CNTNAP2: variants seen among roughly 807,000 people sequenced by gnomAD.
CNTNAP2 encodes contactin associated protein 2.
CNTNAP2 carries 98 observed loss-of-function variants against 155.2 expected under a neutral mutation model. The ratio of observed to expected loss-of-function variants is 0.63; its 90% CI spans 0.54 to 0.75. CNTNAP2 has a LOEUF of 0.75. CNTNAP2 is among the 30% of genes least tolerant of loss of function. The pLI is 0.00. For missense variants in CNTNAP2, 1,727 were observed against 1,688.1 expected, an observed-to-expected ratio of 1.02 and a Z score of -0.40; for synonymous variants, 651 against 631.2, an observed-to-expected ratio of 1.03 and a Z score of -0.47.
intron 10 of CNTNAP2, among the ~76,000 whole-genome samples, chr7:147,479,306 A>G (rs1798379925): frequency 6.6e-6 from 1 of 152,246 alleles, no homozygotes; most frequent in South Asian, 2.1e-4. Flanking sequence ...GCATATGTAT[A>G]TAGAACTCAT....
At chr7:147,332,878 C>T (rs1795597348) in intron 9 of CNTNAP2, among the ~76,000 whole-genome samples, 2 of 152,040 alleles carry the variant, frequency 1.3e-5, no homozygotes, top group South Asian at 4.1e-4. Context: ...TAATAATCAT[C>T]ATAATTATCA....
chr7:146,429,327 A>G (rs531824389), intron 1 of CNTNAP2, among the ~76,000 whole-genome samples: 1 of 152,198 alleles, frequency 6.6e-6, no homozygotes, highest in South Asian at 2.1e-4. Context: ...TTTGGGCAGT[A>G]TGGACATTTT....
At chr7:146,639,508 A>C (rs1412719873) in intron 1 of CNTNAP2, among the ~76,000 whole-genome samples, 1 of 147,704 alleles carries the variant, frequency 6.8e-6, no homozygotes, top group African/African-American at 2.6e-5. Context: ...CAGAAGGTTA[A>C]ATAAAACTTG....
At chr7:147,441,881 GTC>G (rs1797647012) in intron 10 of CNTNAP2, among the ~76,000 whole-genome samples, 1 of 69,306 alleles carries the variant, frequency 1.4e-5, no homozygotes, top group South Asian at 6.2e-4. Context: ...CCCTCCCTCC[GTC>G]TCTCTCTGTT....
At chr7:147,794,492 T>A (rs1797862127) in intron 13 of CNTNAP2, among the ~76,000 whole-genome samples, 1 of 151,986 alleles carries the variant, frequency 6.6e-6, no homozygotes. Context: ...TATACATTCA[T>A]TTTATTCATG....
intron 1 of CNTNAP2, among the ~76,000 whole-genome samples, chr7:146,207,065 T>C (rs1798958419): frequency 6.6e-6 from 1 of 151,948 alleles, no homozygotes; most frequent in Non-Finnish European, 1.5e-5. Context: ...AAAACCTAGC[T>C]GTATGATTAC....
At chr7:146,506,908 A>T (rs1179672068) in intron 1 of CNTNAP2, among the ~76,000 whole-genome samples, 2 of 152,138 alleles carry the variant, frequency 1.3e-5, no homozygotes, top group Non-Finnish European at 2.9e-5. Flanking sequence ...CAGGAATGGG[A>T]GGTGCCTCTC....
intron 9 of CNTNAP2, among the ~76,000 whole-genome samples, chr7:147,346,153 ATTT>A (rs1276421589): frequency 9.2e-5 from 4 of 43,644 alleles, no homozygotes; most frequent in African/African-American, 7.7e-4. Context: ...ATTTTATTTT[ATTT>A]TTTTTTTTTG....
intron 13 of CNTNAP2, among the ~76,000 whole-genome samples, chr7:147,738,650 C>CTTTTTTTTTTT (rs111611444): frequency 1.7e-5 from 1 of 57,544 alleles, no homozygotes; most frequent in African/African-American, 6.5e-5. Context: ...GTAAACATAA[C>CTTTTTTTTTTT]TTTTTTTTTT....
intron 1 of CNTNAP2, among the ~76,000 whole-genome samples, chr7:146,580,571 A>C (rs570479547): frequency 2.0e-5 from 3 of 151,930 alleles, no homozygotes; most frequent in African/African-American, 4.8e-5. Context: ...CTGAGCTCAA[A>C]GCCCAAACTA....
chr7:146,828,815 C>T (rs1442906489), intron 2 of CNTNAP2, among the ~76,000 whole-genome samples: 1 of 152,056 alleles, frequency 6.6e-6, no homozygotes, highest in African/African-American at 2.4e-5. Flanking sequence ...AACTTGTATA[C>T]ATGTCTAATG....
intron 3 of CNTNAP2, among the ~76,000 whole-genome samples, chr7:146,841,334 CAG>C (rs759187869): frequency 7.6e-6 from 1 of 131,788 alleles, no homozygotes; most frequent in Non-Finnish European, 1.5e-5. Flanking sequence ...TAAAATTTGG[CAG>C]AGAGAGAGAG....
At chr7:147,060,295 G>C (rs2129261978) in intron 4 of CNTNAP2, among the ~76,000 whole-genome samples, 1 of 152,308 alleles carries the variant, frequency 6.6e-6, no homozygotes, top group African/African-American at 2.4e-5. Flanking sequence ...CAAATAAACT[G>C]TGTTGAACAG....
chr7:147,975,498 A>G (rs1028040960), intron 14 of CNTNAP2, among the ~76,000 whole-genome samples: 1 of 152,118 alleles, frequency 6.6e-6, no homozygotes, highest in Non-Finnish European at 1.5e-5. Flanking sequence ...CCTTGTTTTT[A>G]TAAAATTACC....
chr7:146,975,790 G>C (rs1342078476), intron 3 of CNTNAP2, among the ~76,000 whole-genome samples: 1 of 152,176 alleles, frequency 6.6e-6, no homozygotes, highest in African/African-American at 2.4e-5. Context: ...AGACATTTCA[G>C]ATATTTTAGA....
chr7:147,155,226 T>C (rs985867882), intron 8 of CNTNAP2, among the ~76,000 whole-genome samples: 2 of 152,126 alleles, frequency 1.3e-5, no homozygotes, highest in African/African-American at 2.4e-5. Flanking sequence ...TTGAGCCTTC[T>C]GCCATGTGAG....
intron 16 of CNTNAP2, among the ~76,000 whole-genome samples, chr7:148,136,486 C>T (rs1412998019): frequency 6.6e-6 from 1 of 152,176 alleles, no homozygotes; most frequent in Non-Finnish European, 1.5e-5. Context: ...CTGAGGCCCT[C>T]TCTAGAAGTC....
rs75426774 is a variant in CNTNAP2 at position 148,083,373 on chromosome 7, G to A, written c.2384-34745G>A. On this transcript the variant is annotated intron_variant, in intron 15 of 23. Transcript: ENST00000361727. ...AGTGGGTTTCTTCTGACTCCACTTC[G>A]GTTCCCTTCATAGCATGAACACATT... Among the ~76,000 whole-genome samples, 482 of 152,238 alleles carry A rather than the reference G, an allele frequency of 3.2e-3. 1 individual carries two copies. The highest frequency in any genetic ancestry group is 0.011 in the African/African-American group (459 of 41,546).
chr7:146,618,926 C>T (rs538871273), intron 1 of CNTNAP2, among the ~76,000 whole-genome samples: 86 of 151,792 alleles, frequency 5.7e-4, no homozygotes, highest in Non-Finnish European at 9.4e-4. Flanking sequence ...AAAAATTAGC[C>T]GGGCGTGGTG....
Sources: allele counts gnomAD v4.1 joint callset (sites outside exome capture counted in the v4.1 genomes callset), GRCh38; gene constraint gnomAD v4.1.1; transcripts MANE v1.5; gene names NCBI Gene and HGNC (gene_info 2026-07-23, HGNC 2026-07-21).